The following NBEA variants were observed in gnomAD, a reference collection of about 807,000 sequenced individuals.
NBEA encodes the protein lysosomal-trafficking regulator 2.
NBEA carries 44 observed loss-of-function variants against 343.4 expected under a neutral mutation model. The ratio of observed to expected loss-of-function variants is 0.13; its 90% CI spans 0.10 to 0.16. The LOEUF (loss-of-function observed/expected upper bound fraction) is 0.16, where lower values mean the gene tolerates loss of function less well. Among genes scored for constraint, NBEA ranks in the 10% least tolerant of loss-of-function variants. The pLI is 1.00. For missense variants in NBEA, 2,555 were observed against 3,631.3 expected (o/e 0.70, Z 7.62); for synonymous variants, 1,175 against 1,238.7 (o/e 0.95, Z 1.08).
chr13:35,070,997 T>C, intron 10 of NBEA, 145 bp downstream of exon 10: 1 of 724,534 alleles, frequency 1.4e-6, no homozygotes, highest in Non-Finnish European at 2.0e-6. Context: ...CTAATGGAGA[T>C]AGATATTTAT....
At chr13:35,370,163 G>A (rs751977491) in intron 38 of NBEA, among the ~76,000 whole-genome samples, 18 of 151,862 alleles carry the variant, frequency 1.2e-4, no homozygotes, top group South Asian at 4.1e-4. Context: ...GGAGTCTATC[G>A]CTCCCTTTAG....
At chr13:35,110,748 A>G in intron 12 of NBEA, 62 bp from the exon 13 acceptor site, 1 of 1,367,824 alleles carries the variant, frequency 7.3e-7, no homozygotes. Context: ...CTGAATGTAT[A>G]TAATATGAGC....
In NBEA at chr13:35,196,003, A is replaced by G; in HGVS notation, c.5067A>G (p.Ala1689=). ...EEQVASILNG[A]ELETSTGPDA... is the part of the protein sequence containing the mutation. The stretch of plus-strand genomic sequence containing the variant: ...AAGTGGCTAGCATCCTGAATGGGGC[A>G]GAATTAGAAACAAGTACAGGCCCTG... Residue 1689 remains alanine (A), a synonymous_variant, in exon 31 of 59, where the codon GCA becomes GCG. Transcript: ENST00000379939. 1 of 1,613,672 alleles carries G rather than the reference A, an allele frequency of 6.2e-7. No homozygotes were observed. Among genetic ancestry groups the G allele is most frequent in the Non-Finnish European group, 8.5e-7 (1 of 1,179,726 alleles).
intron 45 of NBEA, among the ~76,000 whole-genome samples, chr13:35,575,847 A>G (rs2080708933): frequency 6.6e-6 from 1 of 152,110 alleles, no homozygotes. Flanking sequence ...TTATCTGTCT[A>G]AAGGTTAGAA....
At chr13:35,651,672 T>C (rs2084529292) in intron 52 of NBEA, 133 bp from the exon 53 acceptor site, 1 of 664,120 alleles carries the variant, frequency 1.5e-6, no homozygotes, top group African/African-American at 1.8e-5. Context: ...AGACACATAG[T>C]ATCAGAACAA....
Position 35,666,363 on chromosome 13 carries a change from AT to A in NBEA, c.8465-1007del. Reference sequence around the variant, plus strand: ...CACATAGGATATTTTCAGTCTTTTAATTTTAAAAAGTAATAATATGTGTAAT... The same window carrying A: ...CACATAGGATATTTTCAGTCTTTTAATTTAAAAAGTAATAATATGTGTAAT... On this transcript the variant is annotated intron_variant, in intron 56 of 58. Transcript: ENST00000379939. 3.3e-5 allele frequency among the ~76,000 whole-genome samples: 5 copies of A among 151,858 alleles called. No individual in the cohort carries two copies. The South Asian group carries it at 1.0e-3, about 32-fold the overall frequency.
chr13:35,368,129 CT>C (rs951101549), intron 38 of NBEA, among the ~76,000 whole-genome samples: 4 of 151,608 alleles, frequency 2.6e-5, no homozygotes, highest in African/African-American at 9.6e-5. Flanking sequence ...TTGATACCTA[CT>C]TTAGTTTAAA....
intron 35 of NBEA, among the ~76,000 whole-genome samples, chr13:35,302,310 C>G (rs1032521024): frequency 6.6e-6 from 1 of 152,110 alleles, no homozygotes; most frequent in East Asian, 1.9e-4. Context: ...ATTGAATAAA[C>G]AAAAACTTTA....
intron 28 of NBEA, 60 bp downstream of exon 28, chr13:35,177,163 A>G (rs1214120793): frequency 7.7e-7 from 1 of 1,304,812 alleles, no homozygotes; most frequent in Non-Finnish European, 1.1e-6. Context: ...CGTATGAAAT[A>G]CGTTTTATAA....
At chr13:35,208,595 AAG>A in intron 31 of NBEA, 103 bp from the exon 32 acceptor site, 2 of 1,034,806 alleles carry the variant, frequency 1.9e-6, no homozygotes, top group East Asian at 5.7e-5. Context: ...TAATTAAAAG[AAG>A]AGAGGGAGAA....
At chr13:35,310,247 A>G (rs576099985) in intron 36 of NBEA, among the ~76,000 whole-genome samples, 1 of 152,312 alleles carries the variant, frequency 6.6e-6, no homozygotes, top group African/African-American at 2.4e-5. Flanking sequence ...CAGGCTCTGT[A>G]TGCTATATCT....
chr13:35,531,000 G>A (rs1231474017), intron 41 of NBEA, among the ~76,000 whole-genome samples: 1 of 152,200 alleles, frequency 6.6e-6, no homozygotes, highest in East Asian at 1.9e-4. Flanking sequence ...ACGGAAGACT[G>A]TAGAATACTT....
intron 34 of NBEA, among the ~76,000 whole-genome samples, chr13:35,263,283 C>T (rs1244693632): frequency 6.6e-6 from 1 of 151,084 alleles, no homozygotes; most frequent in Non-Finnish European, 1.5e-5. Context: ...TGTAGCTGGA[C>T]CCTTCACTAA....
chr13:35,448,953 G>C (rs1225993688), intron 39 of NBEA, among the ~76,000 whole-genome samples: 1 of 152,220 alleles, frequency 6.6e-6, no homozygotes, highest in Admixed American at 6.5e-5. Flanking sequence ...ACTGAAGGAA[G>C]TGAGTTTTTA....
intron 34 of NBEA, chr13:35,251,700 A>G (rs1252561057): frequency 2.5e-6 from 1 of 405,754 alleles, no homozygotes; most frequent in African/African-American, 2.1e-5. Context: ...CTCCAGAGCA[A>G]CTCACTGGTG....
At chr13:35,171,099 A>C in intron 25 of NBEA, 173 bp from the exon 26 acceptor site, 1 of 748,978 alleles carries the variant, frequency 1.3e-6, no homozygotes, top group Non-Finnish European at 2.4e-6. Flanking sequence ...AGGTAAAGTA[A>C]CCGAATTTGG....
intron 1 of NBEA, among the ~76,000 whole-genome samples, chr13:34,995,632 T>C (rs2060914149): frequency 6.6e-6 from 1 of 152,244 alleles, no homozygotes; most frequent in South Asian, 2.1e-4. Context: ...AACAACTTAA[T>C]TGGTTACAGC....
At chr13:35,505,535 G>A (rs1355659383) in intron 41 of NBEA, among the ~76,000 whole-genome samples, 1 of 152,050 alleles carries the variant, frequency 6.6e-6, no homozygotes, top group Non-Finnish European at 1.5e-5. Context: ...GCGTAAATAC[G>A]GACTTTTTAA....
rs568385912 is a variant in NBEA, at chr13:35,540,879, T to C, written c.6586-9598T>C. On this transcript the variant is annotated intron_variant, in intron 41 of 58. Coordinates refer to ENST00000379939, the MANE Select transcript of NBEA (RefSeq NM_001385012.1). ...GCTCTTTTGAGTAGTTCCTGGTTCTTTACTAATGAATATAAAATACAATTC... is the reference window on the plus strand; with the variant it reads ...GCTCTTTTGAGTAGTTCCTGGTTCTCTACTAATGAATATAAAATACAATTC... Among the ~76,000 whole-genome samples, 73 of 152,292 alleles carry C rather than the reference T, an allele frequency of 4.8e-4. 1 individual carries two copies. The highest frequency in any genetic ancestry group is 2.3e-3 in the South Asian group (11 of 4,830).
Sources: gnomAD v4.1 joint callset for allele counts (sites outside exome capture counted in the v4.1 genomes callset) on GRCh38, gnomAD v4.1.1 for gene constraint, MANE v1.5 for transcripts, NCBI Gene and HGNC (gene_info 2026-07-23, HGNC 2026-07-21) for gene names.